ZNF219: variants seen among roughly 807,000 people sequenced by gnomAD.
ZNF219 encodes the protein zinc finger protein 219.
A neutral mutation model predicts 54.4 loss-of-function variants in ZNF219; 17 were observed. That is an observed-to-expected ratio of 0.31 (90% CI 0.21 to 0.47). The LOEUF is 0.47. ZNF219 is among the 20% of genes least tolerant of loss of function. The pLI is 1.00. For missense variants in ZNF219, 1,014 were observed against 1,062.3 expected (o/e 0.95, Z 0.63); for synonymous variants, 518 against 476.4 (o/e 1.09, Z -1.14).
In ZNF219 at chr14:21,091,446, G is replaced by A; in HGVS notation, c.1529C>T (p.Ala510Val). 6.2e-7 allele frequency: 1 copy of A among 1,608,654 alleles called. No individual in the cohort carries two copies. The highest frequency in any genetic ancestry group is 8.5e-7 in the Non-Finnish European group (1 of 1,175,788). ...CPFCGKSFRSAHHLKVHLRVH... is the reference protein window; with the variant it reads ...CPFCGKSFRSVHHLKVHLRVH... ...TCGCAGATGCACTTTGAGGTGATGT[G>A]CTGAGCGGAAAGATTTTCCGCAGAA... Residue 510 changes from alanine (A) to valine (V), a missense_variant, in exon 4 of 5, where the codon GCA becomes GTA. This residue lies in a region of ZNF219 where 38 missense variants were observed against 67.3 expected (regional missense o/e 0.56). Transcript: ENST00000360947.
At chr14:21,102,098 G>A (rs183259006), upstream of ZNF219, 1,653 of 1,550,888 alleles carry the variant, frequency 1.1e-3, 4 homozygotes, top group Admixed American at 1.8e-3. Flanking sequence ...CTGGAGCTTC[G>A]CAGAGCACCC....
upstream of ZNF219, chr14:21,101,204 C>T (rs1889603325): frequency 3.9e-6 from 3 of 761,220 alleles, no homozygotes; most frequent in Non-Finnish European, 6.3e-6. Flanking sequence ...AGGACCTGGA[C>T]CTCAAATCCC....
upstream of ZNF219, chr14:21,098,918 CT>C: frequency 8.2e-7 from 1 of 1,214,778 alleles, no homozygotes; most frequent in South Asian, 1.3e-5. Flanking sequence ...TTCTGTCTCT[CT>C]TTTGGGGGAG....
chr14:21,103,874 A>C (rs1374053188), upstream of ZNF219: 3 of 152,768 alleles, frequency 2.0e-5, no homozygotes, highest in Non-Finnish European at 4.4e-5. Flanking sequence ...CCACTGCAAT[A>C]GAGAGCTGGA....
rs1389831121 is a variant in ZNF219, at chr14:21,092,206, G to A, written c.1091C>T (p.Ala364Val). 21 of 1,437,910 alleles carry A rather than the reference G, an allele frequency of 1.5e-5. No homozygotes were observed. Among genetic ancestry groups the A allele is most frequent in the Non-Finnish European group, 1.5e-5 (16 of 1,102,418 alleles). 89.1% of individuals were successfully genotyped at this position (1,437,910 alleles called of 1,614,324 possible). A position where few individuals can be genotyped will look rare whatever the true frequency, so the allele number is the denominator to read the frequency against. Residue 364 changes from alanine (A) to valine (V), a missense_variant, in exon 3 of 5, where the codon GCC becomes GTC. Physicochemically the swap from Ala to Val is moderately conservative, Grantham distance 64 (BLOSUM62 0). Coordinates refer to ENST00000360947, the MANE Select transcript of ZNF219 (RefSeq NM_016423.3). Reference protein sequence around the residue: ...YEPLGPALLLAPAPTPAERRE... With the variant: ...YEPLGPALLLVPAPTPAERRE... ...GCGCTCGGCCGGGGTGGGAGCCGGG[G>A]CCAAGAGGAGCGCTGGGCCCAACGG...
Position 21,090,467 on chromosome 14 carries a change from C to T in ZNF219, c.*69G>A, listed in dbSNP as rs1039190328. ...CGCTGCCCCCTGCTGGCTTCTCTACCCAACTACCTCTAGCGCTCCCCCGCT... is the reference window on the plus strand; with the variant it reads ...CGCTGCCCCCTGCTGGCTTCTCTACTCAACTACCTCTAGCGCTCCCCCGCT... On this transcript the variant is annotated 3_prime_UTR_variant, in exon 5 of 5. Transcript: ENST00000360947. The surrounding 1 kb of genome is among the most constrained non-coding windows in gnomAD (Gnocchi z 4.4). The T allele has an allele frequency of 4.0e-6, 6 of 1,514,596 alleles. No homozygotes were observed. Among genetic ancestry groups the T allele is most frequent in the African/African-American group, 1.4e-5 (1 of 71,884 alleles). 93.8% of individuals were successfully genotyped at this position (1,514,596 alleles called of 1,614,324 possible).
chr14:21,093,350 G>A lies in ZNF219; in HGVS notation c.7-60C>T, dbSNP rs1183527390. ...AGGTAGAGCTGTAAAGGAAGCAAGG[G>A]CGTCGCCTCGAGGGCCAGAAGGACA... On this transcript the variant is annotated intron_variant, in intron 2 of 4. Coordinates refer to ENST00000360947, the MANE Select transcript of ZNF219 (RefSeq NM_016423.3). 3 of 1,512,008 alleles carry A rather than the reference G, an allele frequency of 2.0e-6. 1 individual carries two copies. Among genetic ancestry groups the A allele is most frequent in the South Asian group, 1.3e-5 (1 of 75,936 alleles). The allele number at this position is 1,512,008 out of a possible 1,614,324, so 93.7% of individuals were successfully genotyped here.
rs1320525436 is a variant in ZNF219, at chr14:21,090,891, G to T, written c.1814C>A (p.Ser605Tyr). 6.5e-7 allele frequency: 1 copy of T among 1,550,292 alleles called. No homozygotes were observed. Among genetic ancestry groups the T allele is most frequent in the East Asian group, 2.4e-5 (1 of 41,516 alleles). ...CCCAGGGCTGGCGGGCTTCCGACGGGACCCCGGCCCAGCACCGCTAGAAGG... is the reference window on the plus strand; with the variant it reads ...CCCAGGGCTGGCGGGCTTCCGACGGTACCCCGGCCCAGCACCGCTAGAAGG... ...RPPSSGAGPG[S>Y]RRKPASPGRT... Residue 605 changes from serine to tyrosine, a missense_variant, in exon 5 of 5, where the codon TCC becomes TAC. Coordinates refer to ENST00000360947, the MANE Select transcript of ZNF219 (RefSeq NM_016423.3). This position sits in a 1 kb window ranked among gnomAD's most constrained non-coding sequence, Gnocchi z 4.4.
At position 21,098,585 on chromosome 14, in the gene ZNF219, G is replaced by A. The variant is rs1235096884; in HGVS notation, c.-357C>T. ...GCGGGAGCCGGGCTCTGGCTCCGGG[G>A]ACAGGGAGCTGGGGACCCCGGGAGC... On this transcript the variant is annotated 5_prime_UTR_variant, in exon 1 of 5. Transcript: ENST00000360947. The A allele has an allele frequency of 3.0e-6, 3 of 998,710 alleles. No individual in the cohort carries two copies. Among genetic ancestry groups the A allele is most frequent in the Admixed American group, 6.1e-5 (1 of 16,300 alleles). The allele number at this position is 998,710 out of a possible 1,614,324, so 61.9% of individuals were successfully genotyped here.
At chr14:21,102,873 G>A, upstream of ZNF219, 5 of 1,478,070 alleles carry the variant, frequency 3.4e-6, no homozygotes, top group Non-Finnish European at 4.5e-6. Context: ...AAAATAATGG[G>A]GCAGGAGAGA....
In ZNF219 at chr14:21,092,174, G is replaced by A. The variant is rs1439267106; in HGVS notation, c.1123C>T (p.Pro375Ser). ...CTCAGGTAGCCCAAGAGGCTCGGGG[G>A]CTCACGGCGCTCGGCCGGGGTGGGA... ...PAPTPAERREPPSLLGYLSLR... is the reference protein window; with the variant it reads ...PAPTPAERRESPSLLGYLSLR... Residue 375 changes from proline to serine, a missense_variant, in exon 3 of 5, where the codon CCC (proline) becomes TCC (serine). Pro to Ser is a moderately conservative substitution (Grantham distance 74, BLOSUM62 -1). Around this residue, in one of 5 missense-constraint regions of ZNF219, gnomAD observed 272 missense variants for 248.9 expected, o/e 1.09. Coordinates refer to ENST00000360947, the MANE Select transcript of ZNF219 (RefSeq NM_016423.3). The A allele has an allele frequency of 5.5e-6, 8 of 1,444,194 alleles. No homozygotes were observed. In the South Asian group the frequency reaches 7.3e-5, roughly 13 times the overall value. 89.5% of individuals were successfully genotyped at this position (1,444,194 alleles called of 1,614,324 possible). A position where few individuals can be genotyped will look rare whatever the true frequency, so the allele number is the denominator to read the frequency against.
chr14:21,102,856 T>C, upstream of ZNF219: 1 of 1,500,794 alleles, frequency 6.7e-7, no homozygotes, highest in Non-Finnish European at 8.9e-7. Flanking sequence ...TCAGTGGCAC[T>C]TAAGGGAAAA....
At chr14:21,100,458 T>C (rs1393707320), upstream of ZNF219, among the ~76,000 whole-genome samples, 2 of 152,148 alleles carry the variant, frequency 1.3e-5, no homozygotes. Context: ...TGTCTGGCTA[T>C]GAGGCACCTT....
At chr14:21,091,615 C>T (rs983647624) in intron 3 of ZNF219, 73 bp from the exon 4 acceptor site, 2 of 1,539,276 alleles carry the variant, frequency 1.3e-6, no homozygotes, top group Non-Finnish European at 1.8e-6. Flanking sequence ...CACCCCACAC[C>T]CATCCCATAG....
At chr14:21,102,078 G>C (rs1176443936), upstream of ZNF219, 2 of 1,551,316 alleles carry the variant, frequency 1.3e-6, no homozygotes, top group South Asian at 1.2e-5. Context: ...TCCTCACTGG[G>C]ACTGTCACTC....
intron 1 of ZNF219, among the ~76,000 whole-genome samples, chr14:21,094,828 T>C (rs1208643422): frequency 6.9e-6 from 1 of 144,402 alleles, no homozygotes; most frequent in East Asian, 2.0e-4. Flanking sequence ...CCTGGGAGGA[T>C]GACCAGAAGT....
chr14:21,091,391 C>A lies in ZNF219; in HGVS notation c.1564+20G>T. ...GCCCGCCCCCAGTCCCCTCTCCACG[C>A]CGGAGGCTGCCTCCCTCACCTGTGT... On this transcript the variant is annotated intron_variant, in intron 4 of 4. Transcript: ENST00000360947. 1 of 1,585,212 alleles carries A rather than the reference C, an allele frequency of 6.3e-7. No individual in the cohort carries two copies. The highest frequency in any genetic ancestry group is 8.6e-7 in the Non-Finnish European group (1 of 1,157,198).
upstream of ZNF219, chr14:21,098,983 A>G (rs1212782764): frequency 1.3e-5 from 7 of 521,896 alleles, no homozygotes; most frequent in Admixed American, 3.1e-4. Context: ...AAACATTATT[A>G]AAGTTACTCT....
At chr14:21,100,532 G>GAGATAGATAGATAGATAGATAGAT (rs3062000), upstream of ZNF219, among the ~76,000 whole-genome samples, 1 of 150,116 alleles carries the variant, frequency 6.7e-6, no homozygotes, top group African/African-American at 2.5e-5. Flanking sequence ...TGAGGACCAT[G>GAGATAGATAGATAGATAGATAGAT]AGATAGATAG....
Sources: allele counts gnomAD v4.1 joint callset (sites outside exome capture counted in the v4.1 genomes callset), GRCh38; gene constraint gnomAD v4.1.1; regional missense constraint gnomAD v4.1.1; non-coding constraint Gnocchi (gnomAD v3.1); transcripts MANE v1.5; gene names NCBI Gene and HGNC (gene_info 2026-07-23, HGNC 2026-07-21).